ADCY9: variants seen among roughly 807,000 people sequenced by gnomAD.
ADCY9 encodes adenylate cyclase 9.
A neutral mutation model predicts 101.5 loss-of-function variants in ADCY9; 50 were observed. That is an observed-to-expected ratio of 0.49 (90% confidence interval 0.39 to 0.62). The LOEUF (loss-of-function observed/expected upper bound fraction) is 0.62. Ranked by LOEUF, ADCY9 falls within the 20% of genes least tolerant of loss-of-function variation. The pLI is 0.00. For missense variants in ADCY9, 1,662 were observed against 1,800.4 expected (o/e 0.92, Z 1.39); for synonymous variants, 905 against 769.3 (o/e 1.18, Z -2.92).
At chr16:4,085,558 C>G (rs917620277) in intron 2 of ADCY9, among the ~76,000 whole-genome samples, 1 of 152,134 alleles carries the variant, frequency 6.6e-6, no homozygotes, top group African/African-American at 2.4e-5. Context: ...CTCCCAAGAG[C>G]TGCAGCAGAG....
At chr16:3,962,527 TGAAA>T (rs2055946336), downstream of ADCY9, 1 of 152,098 alleles carries the variant, frequency 6.6e-6, no homozygotes, top group African/African-American at 2.4e-5. Flanking sequence ...AGTCATGACG[TGAAA>T]GAAAGGCAAA....
chr16:4,059,913 A>C (rs1452973173), intron 2 of ADCY9, among the ~76,000 whole-genome samples: 11 of 152,212 alleles, frequency 7.2e-5, no homozygotes, highest in Non-Finnish European at 1.5e-4. Flanking sequence ...TTAAAAAATA[A>C]AATGAAGAAG....
At chr16:4,103,950 C>A (rs767466150) in intron 2 of ADCY9, among the ~76,000 whole-genome samples, 1 of 152,156 alleles carries the variant, frequency 6.6e-6, no homozygotes, top group Non-Finnish European at 1.5e-5. Context: ...ATGAGAAGCA[C>A]GCCTACGACG....
chr16:4,104,955 G>A (rs557468785), intron 2 of ADCY9, among the ~76,000 whole-genome samples: 1 of 152,060 alleles, frequency 6.6e-6, no homozygotes, highest in Non-Finnish European at 1.5e-5. Flanking sequence ...TGTAATCCCA[G>A]CTACTCGAGA....
At chr16:4,021,626 G>A (rs541731101) in intron 2 of ADCY9, among the ~76,000 whole-genome samples, 1 of 152,346 alleles carries the variant, frequency 6.6e-6, no homozygotes, top group East Asian at 1.9e-4. Flanking sequence ...CAGCCTGGGA[G>A]GCCACCCCCT....
chr16:4,006,124 C>T (rs1271617649), intron 3 of ADCY9, among the ~76,000 whole-genome samples: 4 of 152,168 alleles, frequency 2.6e-5, no homozygotes, highest in Non-Finnish European at 5.9e-5. Flanking sequence ...TGACTCTGCA[C>T]CCCCAGGGGA....
chr16:4,036,462 G>GTTTT lies in ADCY9; in HGVS notation c.1694-28908_1694-28905dup, dbSNP rs59816813. Among the ~76,000 whole-genome samples, 301 of 103,608 alleles carry GTTTT rather than the reference G, an allele frequency of 2.9e-3. 1 individual carries two copies. The highest frequency in any genetic ancestry group is 5.6e-3 in the Middle Eastern group (1 of 178). The allele number at this position is 103,608 out of a possible 152,430, so 68.0% of individuals were successfully genotyped here. A position where few individuals can be genotyped will look rare whatever the true frequency, so the allele number is the denominator to read the frequency against. On this transcript the variant is annotated intron_variant, in intron 2 of 10. Coordinates refer to ENST00000294016, the MANE Select transcript of ADCY9 (RefSeq NM_001116.4). ...TACATTTTGGTTTTGGGGTTTGTTT[G>GTTTT]TTTTTTTTTTTTTTTTTTTTGAGAC... is the stretch of plus-strand genomic sequence containing the variant.
In ADCY9 at chr16:3,975,609, G is replaced by A. The variant is rs553230819; in HGVS notation, c.2829-899C>T. ...CAACGGGGCATTTCGGAAATGCCAG[G>A]GGTCCCTCTGGTTCTCTTAATAACT... On this transcript the variant is annotated intron_variant, in intron 9 of 10. Coordinates refer to ENST00000294016, the MANE Select transcript of ADCY9 (RefSeq NM_001116.4). Among the ~76,000 whole-genome samples, 6 of 152,298 alleles carry A rather than the reference G, an allele frequency of 3.9e-5. No individual in the cohort carries two copies. The South Asian group carries it at 1.0e-3, about 26-fold the overall frequency.
At chr16:4,031,674 A>G (rs1210292645) in intron 2 of ADCY9, among the ~76,000 whole-genome samples, 2 of 151,522 alleles carry the variant, frequency 1.3e-5, no homozygotes, top group African/African-American at 4.8e-5. Flanking sequence ...GTTTGAGCCC[A>G]GGAGTTTGAG....
intron 3 of ADCY9, 42 bp from the exon 4 acceptor site, chr16:3,993,552 G>A (rs900711551): frequency 1.3e-5 from 21 of 1,603,516 alleles, no homozygotes; most frequent in African/African-American, 5.4e-5. Context: ...CCCAGAAACC[G>A]CGACTGCCAC....
intron 2 of ADCY9, among the ~76,000 whole-genome samples, chr16:4,033,853 A>G (rs2056572435): frequency 2.0e-5 from 3 of 152,236 alleles, no homozygotes; most frequent in African/African-American, 4.8e-5. Context: ...TTATGGCAAC[A>G]TCAGTGACTT....
At chr16:4,100,196 C>T (rs1427756721) in intron 2 of ADCY9, among the ~76,000 whole-genome samples, 1 of 152,140 alleles carries the variant, frequency 6.6e-6, no homozygotes, top group Non-Finnish European at 1.5e-5. Flanking sequence ...TCTCCTGACA[C>T]CATTTAAGAT....
chr16:4,047,712 G>A (rs1315765826), intron 2 of ADCY9, among the ~76,000 whole-genome samples: 1 of 152,152 alleles, frequency 6.6e-6, no homozygotes, highest in Non-Finnish European at 1.5e-5. Context: ...GACCAATCAG[G>A]TCCTTCGGTT....
intron 2 of ADCY9, among the ~76,000 whole-genome samples, chr16:4,112,709 AGCAG>A (rs1267769481): frequency 1.3e-5 from 2 of 152,108 alleles, no homozygotes; most frequent in African/African-American, 4.8e-5. Context: ...GCTTCACAAA[AGCAG>A]GCTTTTAAAA....
intron 8 of ADCY9, 125 bp from the exon 9 acceptor site, chr16:3,977,755 C>T (rs1458434486): frequency 9.5e-6 from 12 of 1,261,038 alleles, no homozygotes; most frequent in Middle Eastern, 2.8e-4. Context: ...CTCACTCTGT[C>T]GCCCAGGCTG....
In ADCY9 at chr16:3,965,930, C is replaced by T; in HGVS notation, c.3907G>A (p.Asp1303Asn). The T allele has an allele frequency of 6.2e-7, 1 of 1,614,172 alleles. No homozygotes were observed. Among genetic ancestry groups the T allele is most frequent in the South Asian group, 1.1e-5 (1 of 91,082 alleles). Residue 1303 changes from aspartate (D) to asparagine (N), a missense_variant, in exon 11 of 11, where the codon GAT becomes AAT. This residue lies in a region of ADCY9 where 168 missense variants were observed against 155.3 expected (regional missense o/e 1.08). Coordinates refer to ENST00000294016, the MANE Select transcript of ADCY9 (RefSeq NM_001116.4). ...LGSDSSTQAK[D>N]AHLSPKRPWK... is the part of the protein sequence containing the mutation. The stretch of plus-strand genomic sequence containing the variant: ...GGTCTCTTGGGGGACAGGTGGGCAT[C>T]CTTGGCCTGCGTGCTGCTGTCAGAA...
intron 7 of ADCY9, 69 bp from the exon 8 acceptor site, chr16:3,979,344 C>T (rs1465784582): frequency 7.0e-6 from 11 of 1,567,478 alleles, no homozygotes; most frequent in African/African-American, 1.4e-5. Flanking sequence ...GAGACAGGTG[C>T]GAGGCCGCAG....
rs2055973324 is a variant in ADCY9 at position 3,964,811 on chromosome 16, GCC to G, written c.*962_*963del. 6.6e-6 allele frequency: 1 copy of G among 152,350 alleles called. No individual in the cohort carries two copies. Among genetic ancestry groups the G allele is most frequent in the Admixed American group, 6.5e-5 (1 of 15,286 alleles). The allele number at this position is 152,350 out of a possible 1,614,324, so 9.4% of individuals were successfully genotyped here. On this transcript the variant is annotated 3_prime_UTR_variant, in exon 11 of 11. Transcript: ENST00000294016. Reference sequence around the variant, plus strand: ...ACATCTGGTTACCTTCCTGGGAACTGCCCTCCCCTGTGGCTATGACCCCCCAC... The same window carrying G: ...ACATCTGGTTACCTTCCTGGGAACTGCTCCCCTGTGGCTATGACCCCCCAC...
chr16:4,067,931 G>C (rs1401135100), intron 2 of ADCY9, among the ~76,000 whole-genome samples: 1 of 152,096 alleles, frequency 6.6e-6, no homozygotes, highest in Non-Finnish European at 1.5e-5. Context: ...CTGCAACATA[G>C]AATTTAATTA....
Sources: allele counts gnomAD v4.1 joint callset (sites outside exome capture counted in the v4.1 genomes callset), GRCh38; gene constraint gnomAD v4.1.1; regional missense constraint gnomAD v4.1.1; transcripts MANE v1.5; gene names NCBI Gene and HGNC (gene_info 2026-07-23, HGNC 2026-07-21).